Variants in PRDM11 observed in about 807,000 individuals in gnomAD.
PRDM11 encodes the protein PR/SET domain 11.
In PRDM11, 20 loss-of-function variants were observed where a neutral mutation model predicts 97.8. The ratio of observed to expected loss-of-function variants is 0.20; its 90% confidence interval spans 0.14 to 0.30. The LOEUF is 0.30. Ranked by LOEUF, PRDM11 falls within the 10% of genes least tolerant of loss-of-function variation. The probability of loss-of-function intolerance (pLI) is 1.00; values close to 1 mark genes in which losing one functional copy is unlikely to be tolerated. For missense variants in PRDM11, 1,139 were observed against 1,555.2 expected, an observed-to-expected ratio of 0.73 and a Z score of 4.50; for synonymous variants, 599 against 637.7, an observed-to-expected ratio of 0.94 and a Z score of 0.91.
intron 1 of PRDM11, among the ~76,000 whole-genome samples, chr11:45,163,978 A>T (rs931874789): frequency 1.3e-5 from 2 of 152,184 alleles, no homozygotes; most frequent in Non-Finnish European, 2.9e-5. Flanking sequence ...AGCAGCCAGC[A>T]TGCAGGGAAG....
intron 6 of PRDM11, among the ~76,000 whole-genome samples, 194 bp from the exon 7 acceptor site, chr11:45,224,023 C>A (rs149106206): frequency 1.3e-3 from 198 of 152,338 alleles, no homozygotes; most frequent in Non-Finnish European, 2.3e-3. Context: ...GGTCTTTCCA[C>A]CGTTCAGGTC....
At chr11:45,146,493 T>TC, upstream of PRDM11, among the ~76,000 whole-genome samples, 1 of 151,894 alleles carries the variant, frequency 6.6e-6, no homozygotes, top group South Asian at 2.1e-4. Flanking sequence ...AGAGCCGGGT[T>TC]CCCCCCTCCG....
chr11:45,127,197 T>A (rs556808295), intron 1 of PRDM11, among the ~76,000 whole-genome samples: 5 of 152,386 alleles, frequency 3.3e-5, no homozygotes, highest in Non-Finnish European at 7.3e-5. Flanking sequence ...TCAGCTCCTT[T>A]AAGCACTTCT....
At chr11:45,215,075 G>A (rs117043818) in intron 5 of PRDM11, among the ~76,000 whole-genome samples, 2,641 of 152,276 alleles carry the variant, frequency 0.017, 45 homozygotes, top group Admixed American at 0.046. Context: ...TCACCGTTTC[G>A]GACAGGAGGC....
At chr11:45,194,144 G>A (rs944904345) in intron 4 of PRDM11, among the ~76,000 whole-genome samples, 1 of 152,234 alleles carries the variant, frequency 6.6e-6, no homozygotes, top group South Asian at 2.1e-4. Flanking sequence ...AAGAGCTGGG[G>A]CCAGGGATTC....
At chr11:45,214,157 T>C (rs1853883533) in intron 5 of PRDM11, 2 of 187,116 alleles carry the variant, frequency 1.1e-5, no homozygotes, top group Admixed American at 5.4e-5. Context: ...CCAGCATGCC[T>C]TGCCTCTGCT....
At chr11:45,133,406 T>C (rs1391045902) in intron 1 of PRDM11, among the ~76,000 whole-genome samples, 2 of 152,246 alleles carry the variant, frequency 1.3e-5, no homozygotes, top group East Asian at 3.8e-4. Context: ...GCTCTCTTGG[T>C]TCCCAAGATG....
chr11:45,120,839 T>C (rs528664087), intron 1 of PRDM11, among the ~76,000 whole-genome samples: 1 of 152,284 alleles, frequency 6.6e-6, no homozygotes, highest in South Asian at 2.1e-4. Context: ...CTTCAGCTCA[T>C]AATATATGTA....
rs1413484978 is a variant in PRDM11, at chr11:45,213,944, A to G, written c.555-5626A>G. ...CCCTTGCCAGGCCTCTGCCCCCTGT[A>G]TCTCTGCTTCTGCCTCAGCTGTCCT... On this transcript the variant is annotated intron_variant, in intron 5 of 7. Transcript: ENST00000683152. 14 of 349,768 alleles carry G rather than the reference A, an allele frequency of 4.0e-5. No homozygotes were observed. In the Admixed American group the frequency reaches 5.3e-4, roughly 13 times the overall value. 21.7% of individuals were successfully genotyped at this position (349,768 alleles called of 1,614,324 possible). A position where few individuals can be genotyped will look rare whatever the true frequency, so the allele number is the denominator to read the frequency against.
chr11:45,123,091 C>A (rs1279108221), intron 1 of PRDM11, among the ~76,000 whole-genome samples: 1 of 151,998 alleles, frequency 6.6e-6, no homozygotes, highest in Non-Finnish European at 1.5e-5. Flanking sequence ...CTCTGATGGC[C>A]AGTGATGATG....
chr11:45,095,760 A>AT, upstream of PRDM11: 1 of 704,486 alleles, frequency 1.4e-6, no homozygotes, highest in Non-Finnish European at 2.6e-6. Context: ...CGCAGATACG[A>AT]TGGCTACAGC....
chr11:45,109,362 C>T (rs1051184881), intron 1 of PRDM11, among the ~76,000 whole-genome samples: 1 of 152,202 alleles, frequency 6.6e-6, no homozygotes. Context: ...AGTGCCCTGA[C>T]AACATCACTC....
chr11:45,224,762 A>G lies in PRDM11; in HGVS notation c.1288A>G (p.Met430Val). The G allele has an allele frequency of 6.2e-7, 1 of 1,614,172 alleles. No individual in the cohort carries two copies. The highest frequency in any genetic ancestry group is 8.5e-7 in the Non-Finnish European group (1 of 1,180,022). ...TCGGGAGCTCCAGGCAGAATTAGACATGCTTAAGTCTGGGAAACTTCCTGA... is the reference window on the plus strand; with the variant it reads ...TCGGGAGCTCCAGGCAGAATTAGACGTGCTTAAGTCTGGGAAACTTCCTGA... ...KVRELQAELD[M>V]LKSGKLPEPP... Residue 430 changes from methionine (M) to valine (V), a missense_variant, in exon 7 of 8, where the codon ATG becomes GTG. Coordinates refer to ENST00000683152, the MANE Select transcript of PRDM11 (RefSeq NM_001384648.1).
At chr11:45,212,688 C>T (rs368138467) in intron 5 of PRDM11, 1 of 456,398 alleles carries the variant, frequency 2.2e-6, no homozygotes, top group East Asian at 6.9e-5. Flanking sequence ...CACCCCAGCC[C>T]ACCCACCACG....
At chr11:45,180,707 G>A (rs1233524249) in intron 1 of PRDM11, among the ~76,000 whole-genome samples, 1 of 149,778 alleles carries the variant, frequency 6.7e-6, no homozygotes, top group Non-Finnish European at 1.5e-5. Context: ...GGGCGGGCCG[G>A]GCCGGGCAGG....
At chr11:45,122,376 CACATGTATACCATGTAT>C (rs1852454360) in intron 1 of PRDM11, among the ~76,000 whole-genome samples, 1 of 151,658 alleles carries the variant, frequency 6.6e-6, no homozygotes, top group Non-Finnish European at 1.5e-5. Flanking sequence ...AGGTTTGTTA[CACATGTATACCATGTAT>C]ACATGTATAC....
intron 1 of PRDM11, among the ~76,000 whole-genome samples, chr11:45,147,110 C>A (rs1468231088): frequency 1.3e-5 from 2 of 150,138 alleles, no homozygotes; most frequent in East Asian, 2.0e-4. Context: ...AGGTAGCTGC[C>A]GCCGCCGCGG....
At chr11:45,137,180 C>G (rs536011383) in intron 1 of PRDM11, among the ~76,000 whole-genome samples, 29 of 147,070 alleles carry the variant, frequency 2.0e-4, no homozygotes, top group Non-Finnish European at 3.9e-4. Flanking sequence ...AACAAACAAA[C>G]AAACAAACAG....
chr11:45,164,819 G>T (rs748185721), intron 1 of PRDM11, among the ~76,000 whole-genome samples: 12 of 152,184 alleles, frequency 7.9e-5, no homozygotes, highest in Non-Finnish European at 1.6e-4. Context: ...CCAGCTTCTG[G>T]AGTTGCATGA....
Sources: gnomAD v4.1 joint callset for allele counts (sites outside exome capture counted in the v4.1 genomes callset) on GRCh38, gnomAD v4.1.1 for gene constraint, MANE v1.5 for transcripts, NCBI Gene and HGNC (gene_info 2026-07-23, HGNC 2026-07-21) for gene names.